Variants in APC observed in about 807,000 individuals in gnomAD.
The protein encoded by APC is adenomatous polyposis coli protein.
Under a neutral mutation model 247.0 loss-of-function variants are expected in APC, and 72 were observed. That is an observed-to-expected ratio of 0.29 (90% CI 0.24 to 0.35). The LOEUF (loss-of-function observed/expected upper bound fraction) is 0.35, where lower values mean the gene tolerates loss of function less well. APC is among the 10% of genes least tolerant of loss of function. APC has a pLI of 1.00. For missense variants in APC, 3,400 were observed against 3,360.7 expected (o/e 1.01, Z -0.29); for synonymous variants, 1,254 against 1,162.5 (o/e 1.08, Z -1.60).
chr5:112,727,870 G>T (rs1751877892), intron 1 of APC, among the ~76,000 whole-genome samples: 1 of 151,126 alleles, frequency 6.6e-6, no homozygotes, highest in African/African-American at 2.4e-5. Context: ...TTAAGTAGAG[G>T]TCAAAGTATT....
rs1375316248 is a variant in APC at position 112,840,511 on chromosome 5, A to G, written c.4917A>G (p.Pro1639=). The G allele has an allele frequency of 6.2e-7, 1 of 1,614,156 alleles. No individual in the cohort carries two copies. Among genetic ancestry groups the G allele is most frequent in the Non-Finnish European group, 8.5e-7 (1 of 1,180,004 alleles). ...GTTTTACACCGGGGGATGATATGCC[A>G]CGGGTGTATTGTGTTGAAGGGACAC... The part of the protein sequence containing the change: ...HVSFTPGDDM[P]RVYCVEGTPI... Residue 1639 remains proline, a synonymous_variant, in exon 16 of 16, where the codon CCA becomes CCG. Transcript: ENST00000257430. The surrounding 1 kb of genome is among the most constrained non-coding windows in gnomAD (Gnocchi z 4.1).
At chr5:112,733,303 A>T (rs116515726), upstream of APC, among the ~76,000 whole-genome samples, 1,677 of 152,350 alleles carry the variant, frequency 0.011, 8 homozygotes, top group Middle Eastern at 0.034. Context: ...TTATGTGACA[A>T]AAGGGAATTA....
rs762019672 is a variant in APC at position 112,827,197 on chromosome 5, T to C, written c.1498T>C (p.Tyr500His). Residue 500 changes from tyrosine to histidine, a missense_variant, in exon 12 of 16, where the codon TAT becomes CAT. Coordinates refer to ENST00000257430, the MANE Select transcript of APC (RefSeq NM_000038.6). ...NDHYSITLRR[Y>H]AGMALTNLTF... is the part of the protein sequence containing the mutation. ...CCACTACAGTATTACACTAAGACGA[T>C]ATGCTGGAATGGCTTTGACAAACTT... The C allele has an allele frequency of 6.2e-7, 1 of 1,613,830 alleles. No homozygotes were observed. Among genetic ancestry groups the C allele is most frequent in the African/African-American group, 1.3e-5 (1 of 74,912 alleles).
chr5:112,742,244 A>T (rs991591972), intron 1 of APC, among the ~76,000 whole-genome samples: 1 of 152,180 alleles, frequency 6.6e-6, no homozygotes, highest in Non-Finnish European at 1.5e-5. Context: ...TCTGCTCTAT[A>T]GTATTCTATA....
At position 112,707,556 on chromosome 5, in the gene APC, G is replaced by A. The variant is rs2149629360; in HGVS notation, c.-162G>A. On this transcript the variant is annotated 5_prime_UTR_variant, in exon 1 of 14. Coordinates refer to the APC transcript ENST00000507379. ...GGAGGGCAAGTAGCAAGGGGGCGGG[G>A]TGTGGCCGCCGGAAGCCTAGCCGCT... 1 of 619,142 alleles carries A rather than the reference G, an allele frequency of 1.6e-6. No homozygotes were observed. The highest frequency in any genetic ancestry group is 2.9e-5 in the Admixed American group (1 of 34,036). The allele number at this position is 619,142 out of a possible 1,614,324, so 38.4% of individuals were successfully genotyped here.
chr5:112,778,124 A>G (rs981296118), intron 5 of APC: 8 of 210,020 alleles, frequency 3.8e-5, no homozygotes, highest in African/African-American at 1.4e-4. Flanking sequence ...CTGCCTCTTC[A>G]TCTTTTTTAC....
intron 14 of APC, 121 bp from the exon 15 acceptor site, chr5:112,834,830 A>G: frequency 1.2e-6 from 1 of 846,400 alleles, no homozygotes; most frequent in Admixed American, 2.0e-5. Flanking sequence ...TTAATTTACC[A>G]GTGAGGGACG....
chr5:112,755,864 C>T (rs556310884), intron 2 of APC, among the ~76,000 whole-genome samples: 2 of 151,574 alleles, frequency 1.3e-5, no homozygotes, highest in Non-Finnish European at 2.9e-5. Flanking sequence ...AATCCCAGCT[C>T]TTAGTGAGGC....
intron 12 of APC, 41 bp downstream of exon 12, chr5:112,827,288 A>G (rs557528199): frequency 4.4e-6 from 7 of 1,607,596 alleles, no homozygotes; most frequent in African/African-American, 4.0e-5. Context: ...TAGCTCAGGT[A>G]TGAGTTAATT....
chr5:112,766,865 C>A (rs1756393204), intron 3 of APC, among the ~76,000 whole-genome samples: 1 of 152,134 alleles, frequency 6.6e-6, no homozygotes. Context: ...CATTCTGTTG[C>A]TTGAAAATTC....
chr5:112,808,921 C>G (rs764047198), intron 8 of APC, among the ~76,000 whole-genome samples: 5 of 152,092 alleles, frequency 3.3e-5, no homozygotes, highest in Non-Finnish European at 7.3e-5. Flanking sequence ...TCGCAGGTTT[C>G]TGTTAGGCAG....
At position 112,843,775 on chromosome 5, in the gene APC, G is replaced by A. The variant is rs756467505; in HGVS notation, c.8181G>A (p.Gln2727=). 10 of 1,613,970 alleles carry A rather than the reference G, an allele frequency of 6.2e-6. No individual in the cohort carries two copies. The highest frequency in any genetic ancestry group is 8.5e-6 in the Non-Finnish European group (10 of 1,179,876). Residue 2727 remains glutamine (Q), a synonymous_variant, in exon 16 of 16, where the codon CAG becomes CAA. Transcript: ENST00000257430. The surrounding 1 kb of genome is among the most constrained non-coding windows in gnomAD (Gnocchi z 4.8). ...GLENRLNSFI[Q]VDAPDQKGTE... ...AAAATCGCCTGAACTCCTTTATTCA[G>A]GTGGATGCCCCTGACCAAAAAGGAA...
chr5:112,844,206 A>G lies in APC; in HGVS notation c.*80A>G. On this transcript the variant is annotated 3_prime_UTR_variant, in exon 16 of 16. Coordinates refer to ENST00000257430, the MANE Select transcript of APC (RefSeq NM_000038.6). The stretch of plus-strand genomic sequence containing the variant: ...GACATTTTGTTTCAAATGAAACTTT[A>G]AAAGACTGAAAAATTTTGTAAATAG... 3 of 1,333,630 alleles carry G rather than the reference A, an allele frequency of 2.2e-6. No homozygotes were observed. The highest frequency in any genetic ancestry group is 3.1e-6 in the Non-Finnish European group (3 of 965,636). 82.6% of individuals were successfully genotyped at this position (1,333,630 alleles called of 1,614,324 possible). A position where few individuals can be genotyped will look rare whatever the true frequency, so the allele number is the denominator to read the frequency against.
At chr5:112,767,718 C>T (rs930821499) in intron 4 of APC, among the ~76,000 whole-genome samples, 4 of 151,982 alleles carry the variant, frequency 2.6e-5, no homozygotes, top group African/African-American at 9.7e-5. Context: ...GCAACCTCCA[C>T]CTCCTGGGTT....
chr5:112,729,842 A>G (rs1271311388), intron 1 of APC, among the ~76,000 whole-genome samples: 1 of 152,224 alleles, frequency 6.6e-6, no homozygotes, highest in African/African-American at 2.4e-5. Context: ...CATAAGTTTT[A>G]TTTAATCTAA....
At chr5:112,710,644 C>T (rs1750798916) in intron 1 of APC, among the ~76,000 whole-genome samples, 1 of 152,202 alleles carries the variant, frequency 6.6e-6, no homozygotes, top group Non-Finnish European at 1.5e-5. Context: ...TGCTATGCCA[C>T]TGTATTTCTA....
chr5:112,780,288 C>T (rs1758180737), intron 5 of APC, among the ~76,000 whole-genome samples: 1 of 152,014 alleles, frequency 6.6e-6, no homozygotes, highest in South Asian at 2.1e-4. Flanking sequence ...TTTTTCTTGT[C>T]CCATATTCCT....
intron 8 of APC, among the ~76,000 whole-genome samples, chr5:112,801,874 A>G (rs1454438780): frequency 6.6e-6 from 1 of 152,150 alleles, no homozygotes; most frequent in Admixed American, 6.5e-5. Flanking sequence ...AAGTAAGGCA[A>G]CATGGCCTAA....
intron 1 of APC, among the ~76,000 whole-genome samples, chr5:112,752,053 A>G (rs1581112380): frequency 6.6e-6 from 1 of 152,032 alleles, no homozygotes; most frequent in African/African-American, 2.4e-5. Flanking sequence ...ATTGTAAATT[A>G]TATTTTTCAT....
Sources: gnomAD v4.1 joint callset for allele counts (sites outside exome capture counted in the v4.1 genomes callset) on GRCh38, gnomAD v4.1.1 for gene constraint, Gnocchi (gnomAD v3.1) non-coding constraint, MANE v1.5 for transcripts, NCBI Gene and HGNC (gene_info 2026-07-23, HGNC 2026-07-21) for gene names.